The following ZNF804B variants were observed in gnomAD, a reference collection of about 807,000 sequenced individuals.
ZNF804B encodes the protein zinc finger protein 804B.
Under a neutral mutation model 101.4 loss-of-function variants are expected in ZNF804B, and 80 were observed. The observed-to-expected ratio is 0.79, with a 90% CI of 0.66 to 0.95. The LOEUF is 0.95. ZNF804B is among the 40% of genes least tolerant of loss of function. The pLI is 0.00. For missense variants in ZNF804B, 1,673 were observed against 1,561.9 expected (o/e 1.07, Z -1.20); for synonymous variants, 622 against 558.8 (o/e 1.11, Z -1.59).
At chr7:88,882,992 C>G (rs1792066240) in intron 1 of ZNF804B, among the ~76,000 whole-genome samples, 1 of 151,810 alleles carries the variant, frequency 6.6e-6, no homozygotes, top group African/African-American at 2.4e-5. Context: ...ACATGTACCC[C>G]CTGAATCTAA....
At chr7:89,092,658 GC>G (rs1789912032) in intron 1 of ZNF804B, among the ~76,000 whole-genome samples, 2 of 151,918 alleles carry the variant, frequency 1.3e-5, no homozygotes, top group Admixed American at 6.6e-5. Context: ...TGATCCACCC[GC>G]CTTGGCCTCC....
chr7:89,281,997 C>T (rs1469210245), intron 2 of ZNF804B, among the ~76,000 whole-genome samples: 2 of 151,894 alleles, frequency 1.3e-5, no homozygotes, highest in South Asian at 2.1e-4. Flanking sequence ...GTCAGGAGAT[C>T]GAAACCATCC....
In ZNF804B at chr7:88,962,710, T is replaced by TATATAC. The variant is rs1332577144; in HGVS notation, c.108+202631_108+202632insCATATA. On this transcript the variant is annotated intron_variant, in intron 1 of 3. Transcript: ENST00000333190. The stretch of plus-strand genomic sequence containing the variant: ...AGTTATAAATGTTGTTAAACTCACA[T>TATATAC]ATATATATATATATATATATATATA... 1.3e-4 allele frequency among the ~76,000 whole-genome samples: 5 copies of TATATAC among 37,614 alleles called. No individual in the cohort carries two copies. In the South Asian group the frequency reaches 4.0e-3, roughly 30 times the overall value. The allele number at this position is 37,614 out of a possible 152,430, so 24.7% of individuals were successfully genotyped here. A position where few individuals can be genotyped will look rare whatever the true frequency, so the allele number is the denominator to read the frequency against.
chr7:89,326,729 G>A (rs1048138280), intron 2 of ZNF804B, among the ~76,000 whole-genome samples: 6 of 151,994 alleles, frequency 3.9e-5, no homozygotes, highest in African/African-American at 1.2e-4. Context: ...TAAGTGGTGA[G>A]TGAATTTAAA....
At chr7:89,155,390 T>G (rs1230459431) in intron 1 of ZNF804B, among the ~76,000 whole-genome samples, 2 of 152,146 alleles carry the variant, frequency 1.3e-5, no homozygotes, top group South Asian at 4.1e-4. Flanking sequence ...ATATCTCATC[T>G]TTCACCTAAA....
intron 1 of ZNF804B, among the ~76,000 whole-genome samples, chr7:88,828,067 C>T (rs1280270589): frequency 6.6e-6 from 1 of 152,098 alleles, no homozygotes; most frequent in Non-Finnish European, 1.5e-5. Context: ...TTCATAGCCT[C>T]TCATAGCTTC....
intron 1 of ZNF804B, among the ~76,000 whole-genome samples, chr7:89,183,140 A>T (rs1788323162): frequency 6.6e-6 from 1 of 152,120 alleles, no homozygotes; most frequent in Admixed American, 6.6e-5. Context: ...TGGCAATAGG[A>T]GGATAGCATT....
intron 2 of ZNF804B, among the ~76,000 whole-genome samples, chr7:89,268,607 A>G (rs975967275): frequency 2.6e-5 from 4 of 152,046 alleles, no homozygotes; most frequent in African/African-American, 9.7e-5. Context: ...TTTTTAATAA[A>G]ACAGAGCGCA....
At chr7:89,228,902 G>A (rs1416063886) in intron 2 of ZNF804B, among the ~76,000 whole-genome samples, 5 of 152,184 alleles carry the variant, frequency 3.3e-5, no homozygotes, top group South Asian at 2.1e-4. Flanking sequence ...CTGCAGGTCC[G>A]GAGCCCTGCC....
intron 3 of ZNF804B, among the ~76,000 whole-genome samples, chr7:89,332,821 C>T (rs1350479327): frequency 6.6e-6 from 1 of 151,618 alleles, no homozygotes; most frequent in African/African-American, 2.4e-5. Flanking sequence ...TATAATTAGT[C>T]AAATTACTGA....
At chr7:88,994,892 A>G (rs1793898529) in intron 1 of ZNF804B, among the ~76,000 whole-genome samples, 1 of 152,114 alleles carries the variant, frequency 6.6e-6, no homozygotes, top group African/African-American at 2.4e-5. Context: ...TAGAGAGGAA[A>G]TCAACCATAA....
At chr7:89,303,770 G>A (rs936460380) in intron 2 of ZNF804B, among the ~76,000 whole-genome samples, 1 of 151,740 alleles carries the variant, frequency 6.6e-6, no homozygotes, top group Non-Finnish European at 1.5e-5. Context: ...TTTTTTCCTG[G>A]CTTCAATAAG....
intron 1 of ZNF804B, among the ~76,000 whole-genome samples, chr7:89,010,692 A>G (rs1383285058): frequency 6.6e-6 from 1 of 152,216 alleles, no homozygotes; most frequent in Non-Finnish European, 1.5e-5. Flanking sequence ...TTTTTGATGT[A>G]AAGAGTTACA....
chr7:88,924,952 A>AT (rs1326782050), intron 1 of ZNF804B, among the ~76,000 whole-genome samples: 44 of 152,300 alleles, frequency 2.9e-4, no homozygotes, highest in African/African-American at 9.6e-4. Flanking sequence ...ATTTTTAAAA[A>AT]TCTAAAAATC....
chr7:89,265,297 C>T (rs202002418), intron 2 of ZNF804B, among the ~76,000 whole-genome samples: 5 of 101,252 alleles, frequency 4.9e-5, no homozygotes, highest in Admixed American at 1.0e-4. Context: ...TGTGTGTGCG[C>T]GTGCGCGCGC....
At chr7:88,927,553 T>C (rs1395584610) in intron 1 of ZNF804B, among the ~76,000 whole-genome samples, 1 of 152,168 alleles carries the variant, frequency 6.6e-6, no homozygotes, top group Non-Finnish European at 1.5e-5. Context: ...AAAATTGCCT[T>C]ATCCCTGTCC....
Position 89,101,785 on chromosome 7 carries a change from G to A in ZNF804B, c.109-116370G>A, listed in dbSNP as rs187465477. ...TATTACATGCTTAATGGTAGGGATTGGGCTTTTAGTGTACACATTATTTAA... is the reference window on the plus strand; with the variant it reads ...TATTACATGCTTAATGGTAGGGATTAGGCTTTTAGTGTACACATTATTTAA... On this transcript the variant is annotated intron_variant, in intron 1 of 3. Transcript: ENST00000333190. Among the ~76,000 whole-genome samples, 149 of 151,972 alleles carry A rather than the reference G, an allele frequency of 9.8e-4. No individual in the cohort carries two copies. The Middle Eastern group carries it at 0.01, about 10-fold the overall frequency.
At chr7:89,280,078 C>G (rs1221005030) in intron 2 of ZNF804B, among the ~76,000 whole-genome samples, 2 of 152,158 alleles carry the variant, frequency 1.3e-5, no homozygotes, top group African/African-American at 4.8e-5. Flanking sequence ...ACAGTGCAAT[C>G]AAACTAGAAC....
intron 1 of ZNF804B, among the ~76,000 whole-genome samples, chr7:89,061,169 T>C (rs1789373236): frequency 6.6e-6 from 1 of 152,186 alleles, no homozygotes; most frequent in African/African-American, 2.4e-5. Context: ...TATGTTATTA[T>C]TGCCTATTTT....
Sources: gnomAD v4.1 joint callset for allele counts (sites outside exome capture counted in the v4.1 genomes callset) on GRCh38, gnomAD v4.1.1 for gene constraint, MANE v1.5 for transcripts, NCBI Gene and HGNC (gene_info 2026-07-23, HGNC 2026-07-21) for gene names.